Variants in ERP44 observed in about 807,000 individuals in gnomAD.
The protein encoded by ERP44 is endoplasmic reticulum resident protein 44.
In ERP44, 25 loss-of-function variants were observed where a neutral mutation model predicts 53.4. The ratio of observed to expected loss-of-function variants is 0.47; its 90% CI spans 0.34 to 0.65. The LOEUF is 0.65. ERP44 is among the 30% of genes least tolerant of loss of function. ERP44 has a pLI of 0.01. For missense variants in ERP44, 338 were observed against 493.2 expected, an observed-to-expected ratio of 0.69 and a Z score of 2.98; for synonymous variants, 145 against 161.2, an observed-to-expected ratio of 0.90 and a Z score of 0.76.
At chr9:100,057,123 A>G (rs140395635) in intron 3 of ERP44, among the ~76,000 whole-genome samples, 117 of 152,366 alleles carry the variant, frequency 7.7e-4, no homozygotes, top group African/African-American at 2.5e-3. Flanking sequence ...AGTAGGTAGT[A>G]AGCCTTAAAG....
chr9:100,068,357 A>G (rs1407141865), intron 1 of ERP44, among the ~76,000 whole-genome samples: 38 of 120,920 alleles, frequency 3.1e-4, no homozygotes, highest in Middle Eastern at 6.0e-3. Flanking sequence ...CCGCCCGGCC[A>G]GCCGCCCCGT....
At chr9:99,983,373 G>A (rs1269646411) in intron 11 of ERP44, among the ~76,000 whole-genome samples, 2 of 151,536 alleles carry the variant, frequency 1.3e-5, no homozygotes, top group African/African-American at 4.8e-5. Context: ...GTGAAACCCC[G>A]TCTCTACTAA....
In ERP44 at chr9:99,980,371, A is replaced by C. The variant is rs1365810321; in HGVS notation, c.*2241T>G. 1 of 253,740 alleles carries C rather than the reference A, an allele frequency of 3.9e-6. No individual in the cohort carries two copies. The highest frequency in any genetic ancestry group is 2.2e-5 in the African/African-American group (1 of 45,086). 15.7% of individuals were successfully genotyped at this position (253,740 alleles called of 1,614,324 possible). The stretch of plus-strand genomic sequence containing the variant: ...AATCTGCTTCCCTGTGACTTCCTCA[A>C]ATCCTAGTTCAAGCCCTGGGATCCA... On this transcript the variant is annotated 3_prime_UTR_variant, in exon 12 of 12. Transcript: ENST00000262455.
At chr9:100,070,341 C>T (rs1259909129) in intron 1 of ERP44, among the ~76,000 whole-genome samples, 7 of 152,202 alleles carry the variant, frequency 4.6e-5, no homozygotes. Context: ...TTACATTAAT[C>T]TTACAAACTT....
intron 1 of ERP44, among the ~76,000 whole-genome samples, chr9:100,093,734 G>A (rs1217414232): frequency 6.6e-6 from 1 of 152,108 alleles, no homozygotes; most frequent in Non-Finnish European, 1.5e-5. Context: ...AGGCTAGACA[G>A]GAAGACAGTT....
At chr9:100,016,278 G>C (rs1830524799) in intron 8 of ERP44, 44 bp downstream of exon 8, 1 of 1,559,840 alleles carries the variant, frequency 6.4e-7, no homozygotes, top group Admixed American at 2.1e-5. Context: ...TGTGGTTTCA[G>C]ACATTTGAAT....
At chr9:100,013,375 G>GTAA (rs1051724637) in intron 8 of ERP44, among the ~76,000 whole-genome samples, 32 of 148,504 alleles carry the variant, frequency 2.2e-4, no homozygotes, top group Admixed American at 1.1e-3. Flanking sequence ...AAAAACCAGA[G>GTAA]TAATAATAAT....
intron 1 of ERP44, among the ~76,000 whole-genome samples, chr9:100,096,103 T>C (rs1826624855): frequency 6.6e-6 from 1 of 152,080 alleles, no homozygotes; most frequent in Non-Finnish European, 1.5e-5. Context: ...TGAGAACACA[T>C]CTTCAATAAA....
At chr9:100,080,504 T>A (rs1187166866) in intron 1 of ERP44, among the ~76,000 whole-genome samples, 1 of 151,960 alleles carries the variant, frequency 6.6e-6, no homozygotes, top group Non-Finnish European at 1.5e-5. Context: ...AAATTCAAGA[T>A]ACATTCTGTC....
At chr9:100,085,380 A>G (rs1248801730) in intron 1 of ERP44, among the ~76,000 whole-genome samples, 3 of 152,236 alleles carry the variant, frequency 2.0e-5, no homozygotes, top group Non-Finnish European at 2.9e-5. Context: ...TCATTACAGT[A>G]TCTAAACTTA....
Position 99,979,836 on chromosome 9 carries a change from AC to A in ERP44, c.*2775del, listed in dbSNP as rs1830129257. The A allele has an allele frequency of 2.5e-6, 1 of 397,216 alleles. No homozygotes were observed. The highest frequency in any genetic ancestry group is 3.6e-5 in the East Asian group (1 of 28,044). The allele number at this position is 397,216 out of a possible 1,614,324, so 24.6% of individuals were successfully genotyped here. On this transcript the variant is annotated 3_prime_UTR_variant, in exon 12 of 12. Coordinates refer to ENST00000262455, the MANE Select transcript of ERP44 (RefSeq NM_015051.3). ...AAGTCTAAATTTGAGACGTGCTTCC[AC>A]ACTATTCTTTCTCAAACTTTAAAGT...
At chr9:100,097,688 C>T (rs1826657796) in intron 1 of ERP44, among the ~76,000 whole-genome samples, 1 of 151,942 alleles carries the variant, frequency 6.6e-6, no homozygotes, top group African/African-American at 2.4e-5. Context: ...GTGCTTTTTC[C>T]GAAAAGGTCC....
At chr9:99,991,181 A>G (rs1830250373) in intron 10 of ERP44, among the ~76,000 whole-genome samples, 1 of 152,210 alleles carries the variant, frequency 6.6e-6, no homozygotes, top group African/African-American at 2.4e-5. Context: ...AGACATCTAC[A>G]GAACTCTCCA....
intron 8 of ERP44, among the ~76,000 whole-genome samples, chr9:100,014,437 ACCACG>A (rs1157433595): frequency 6.6e-6 from 1 of 152,092 alleles, no homozygotes; most frequent in Admixed American, 6.5e-5. Context: ...GGCGCCTGCC[ACCACG>A]CCTGGCTAAT....
At chr9:100,070,467 G>A (rs917742153) in intron 1 of ERP44, among the ~76,000 whole-genome samples, 5 of 152,198 alleles carry the variant, frequency 3.3e-5, no homozygotes, top group African/African-American at 1.2e-4. Flanking sequence ...GAAGATAACT[G>A]CTGGGCATTA....
Position 100,018,290 on chromosome 9 carries a change from T to C in ERP44, c.611A>G (p.Tyr204Cys), listed in dbSNP as rs755780563. Reference protein sequence around the residue: ...AFGDVSKPERYSGDNIIYKPP... With the variant: ...AFGDVSKPERCSGDNIIYKPP... Reference sequence around the variant, plus strand: ...TTTGTAGATTATGTTGTCGCCACTATATCTTTCCGGTTTTGAAACATCCCT... The same window carrying C: ...TTTGTAGATTATGTTGTCGCCACTACATCTTTCCGGTTTTGAAACATCCCT... The change falls in exon 7 of 12, where the codon TAT becomes TGT. Residue 204 changes from tyrosine to cysteine, a missense_variant. Tyr to Cys is a radical substitution (Grantham distance 194, BLOSUM62 -2). Coordinates refer to ENST00000262455, the MANE Select transcript of ERP44 (RefSeq NM_015051.3). 6.2e-7 allele frequency: 1 copy of C among 1,607,358 alleles called. No individual in the cohort carries two copies.
At position 100,064,603 on chromosome 9, in the gene ERP44, C is replaced by G. The variant is rs973910346; in HGVS notation, c.58-4431G>C. On this transcript the variant is annotated intron_variant, in intron 1 of 11. Transcript: ENST00000262455. ...ACATCACTACTTAACAGTTGGTTCC[C>G]CCAGCTGTTCTTTGGTACGATTTCC... Among the ~76,000 whole-genome samples the G allele has an allele frequency of 2.0e-5, 3 of 152,228 alleles. No individual in the cohort carries two copies. The East Asian group carries it at 5.8e-4, about 29-fold the overall frequency.
At position 99,995,082 on chromosome 9, in the gene ERP44, GT is replaced by G. The variant is rs879650092; in HGVS notation, c.1017-10014del. Among the ~76,000 whole-genome samples the G allele has an allele frequency of 1.0e-3, 152 of 150,602 alleles. 1 individual carries two copies. Among genetic ancestry groups the G allele is most frequent in the South Asian group, 5.5e-3 (26 of 4,764 alleles). ...GTTTTGTTTGATTTATACCTAGGTA[GT>G]TTTTTTTTCCCCCTCCTTTTGGAGC... On this transcript the variant is annotated intron_variant, in intron 10 of 11. Transcript: ENST00000262455.
chr9:100,043,236 G>A (rs528351613), intron 4 of ERP44, among the ~76,000 whole-genome samples: 4 of 100,548 alleles, frequency 4.0e-5, no homozygotes, highest in African/African-American at 1.9e-4. Flanking sequence ...TCCAGCCTGG[G>A]CAACAGAGCG....
Sources: allele counts gnomAD v4.1 joint callset (sites outside exome capture counted in the v4.1 genomes callset), GRCh38; gene constraint gnomAD v4.1.1; transcripts MANE v1.5; gene names NCBI Gene and HGNC (gene_info 2026-07-23, HGNC 2026-07-21).